Variants in VPS13B observed in about 807,000 individuals in gnomAD.
VPS13B encodes the protein vacuolar protein sorting 13 homolog B.
Under a neutral mutation model 426.4 loss-of-function variants are expected in VPS13B, and 285 were observed. The observed-to-expected ratio is 0.67, with a 90% CI of 0.61 to 0.74. VPS13B has a LOEUF of 0.74. Ranked by LOEUF, VPS13B falls within the 30% of genes least tolerant of loss-of-function variation. The probability of loss-of-function intolerance (pLI) is 0.00; values close to 1 mark genes in which losing one functional copy is unlikely to be tolerated. For missense variants in VPS13B, 4,537 were observed against 4,782.6 expected, an observed-to-expected ratio of 0.95 and a Z score of 1.51; for synonymous variants, 1,676 against 1,676.4, an observed-to-expected ratio of 1.00 and a Z score of 0.01.
intron 35 of VPS13B, among the ~76,000 whole-genome samples, chr8:99,681,939 T>C (rs1309421962): frequency 6.6e-6 from 1 of 152,092 alleles, no homozygotes; most frequent in Admixed American, 6.6e-5. Flanking sequence ...TGAGAAAGGG[T>C]CGTCCAGAAA....
chr8:99,642,263 C>G lies in VPS13B; in HGVS notation c.5673C>G (p.Leu1891=). The change falls in exon 34 of 62, where the codon CTC becomes CTG. Residue 1891 remains leucine (L), a synonymous_variant. Coordinates refer to ENST00000357162, the MANE Select transcript of VPS13B (RefSeq NM_152564.5). ...SFPSGKKIGV[L]SLESLHASTR... ...CTTCAGGGAAAAAAATAGGGGTCCT[C>G]TCTCTTGAAAGTCTTCATGCATCCA... 1 of 1,614,166 alleles carries G rather than the reference C, an allele frequency of 6.2e-7. No homozygotes were observed.
chr8:99,833,664 T>G (rs1409255911), intron 52 of VPS13B, among the ~76,000 whole-genome samples: 1 of 152,166 alleles, frequency 6.6e-6, no homozygotes, highest in East Asian at 1.9e-4. Context: ...TTTAAGGGTG[T>G]TTTTTGAAAG....
intron 33 of VPS13B, among the ~76,000 whole-genome samples, chr8:99,596,642 C>A (rs1383912847): frequency 6.6e-6 from 1 of 152,026 alleles, no homozygotes; most frequent in Non-Finnish European, 1.5e-5. Context: ...CCCCTCCCTA[C>A]AAGGACAAAC....
At chr8:99,690,450 C>G (rs1831607213) in intron 35 of VPS13B, among the ~76,000 whole-genome samples, 1 of 152,130 alleles carries the variant, frequency 6.6e-6, no homozygotes, top group Non-Finnish European at 1.5e-5. Context: ...ACATATTGGA[C>G]TTTGCAAAAA....
rs201147123 is a variant in VPS13B, at chr8:99,096,378, A to G, written c.358A>G (p.Ile120Val). The stretch of plus-strand genomic sequence containing the variant: ...TACTGCTGAGAGCACAAAATCATCA[A>G]TCAAACCGCGGAGAATGCAGCAGGC... ...RSTAESTKSS[I>V]KPRRMQQAAP... Residue 120 changes from isoleucine (I) to valine (V), a missense_variant, in exon 4 of 62, where the codon ATC (isoleucine) becomes GTC (valine). Ile to Val is a conservative substitution (Grantham distance 29). This residue lies in a region of VPS13B where 226 missense variants were observed against 308.3 expected (regional missense o/e 0.73). Transcript: ENST00000357162. 939 of 1,614,174 alleles carry G rather than the reference A, an allele frequency of 5.8e-4. 14 individuals are homozygous for G. In the South Asian group the frequency reaches 7.3e-3, roughly 13 times the overall value.
At chr8:99,851,975 A>G (rs761633036) in intron 55 of VPS13B, among the ~76,000 whole-genome samples, 5 of 152,172 alleles carry the variant, frequency 3.3e-5, no homozygotes, top group Non-Finnish European at 5.9e-5. Flanking sequence ...TGCTCACATT[A>G]GAGACACTGA....
At chr8:99,855,377 G>T (rs1157780861) in intron 56 of VPS13B, among the ~76,000 whole-genome samples, 1 of 152,082 alleles carries the variant, frequency 6.6e-6, no homozygotes, top group Non-Finnish European at 1.5e-5. Flanking sequence ...GCAAGACCTT[G>T]TCCCAAAAAA....
intron 23 of VPS13B, among the ~76,000 whole-genome samples, chr8:99,465,847 A>T (rs1407685031): frequency 1.3e-5 from 2 of 151,974 alleles, no homozygotes; most frequent in Non-Finnish European, 2.9e-5. Flanking sequence ...TTATGCAGTT[A>T]TCATTGTTTC....
chr8:99,094,231 A>G (rs938712406), intron 3 of VPS13B, among the ~76,000 whole-genome samples: 2 of 152,306 alleles, frequency 1.3e-5, no homozygotes, highest in African/African-American at 4.8e-5. Flanking sequence ...TTTTTAATGA[A>G]CATGTTTTAC....
chr8:99,255,649 G>A (rs1022461276), intron 17 of VPS13B, among the ~76,000 whole-genome samples: 8 of 152,068 alleles, frequency 5.3e-5, no homozygotes, highest in Non-Finnish European at 1.0e-4. Context: ...CTTCTGGCCC[G>A]GGGTCAAAAT....
intron 21 of VPS13B, among the ~76,000 whole-genome samples, chr8:99,421,240 T>C (rs16897352): frequency 0.025 from 3,743 of 152,278 alleles, 151 homozygotes; most frequent in African/African-American, 0.085. Context: ...TGATATGTTA[T>C]TTTAACCACT....
chr8:99,454,065 A>C (rs1588395783), intron 23 of VPS13B, among the ~76,000 whole-genome samples: 1 of 152,188 alleles, frequency 6.6e-6, no homozygotes, highest in Non-Finnish European at 1.5e-5. Flanking sequence ...CCCTGTCTCC[A>C]TAGCTTTGCC....
chr8:99,431,378 A>G, intron 21 of VPS13B, 159 bp from the exon 22 acceptor site: 2 of 987,972 alleles, frequency 2.0e-6, no homozygotes, highest in South Asian at 1.7e-5. Flanking sequence ...TGCAAAAATC[A>G]GTTCTATAAG....
intron 30 of VPS13B, among the ~76,000 whole-genome samples, chr8:99,552,754 C>A (rs1824349431): frequency 6.6e-6 from 1 of 152,040 alleles, no homozygotes; most frequent in Non-Finnish European, 1.5e-5. Context: ...GCACTTTACC[C>A]AGTTTCCCTC....
intron 39 of VPS13B, among the ~76,000 whole-genome samples, chr8:99,736,164 G>A (rs892917334): frequency 2.6e-5 from 4 of 152,302 alleles, no homozygotes; most frequent in Middle Eastern, 3.4e-3. Flanking sequence ...AGAAAGTTAC[G>A]AATTTAGTTT....
chr8:99,809,013 A>G (rs1813559970), intron 43 of VPS13B, among the ~76,000 whole-genome samples: 1 of 152,096 alleles, frequency 6.6e-6, no homozygotes, highest in Admixed American at 6.5e-5. Context: ...TCTAGCCATA[A>G]GAAGGAAAAA....
intron 21 of VPS13B, among the ~76,000 whole-genome samples, chr8:99,398,588 T>G (rs1814865876): frequency 1.3e-5 from 2 of 152,092 alleles, no homozygotes; most frequent in African/African-American, 4.8e-5. Context: ...AATAGAGATG[T>G]AAAGAGACAA....
At chr8:99,391,482 C>A in intron 20 of VPS13B, 75 bp from the exon 21 acceptor site, 1 of 1,608,720 alleles carries the variant, frequency 6.2e-7, no homozygotes, top group South Asian at 1.1e-5. Context: ...TCAGTATTGC[C>A]ATGTTTAACC....
chr8:99,385,199 A>G (rs1159400117), intron 20 of VPS13B, among the ~76,000 whole-genome samples: 3 of 152,220 alleles, frequency 2.0e-5, no homozygotes, highest in Non-Finnish European at 4.4e-5. Context: ...TTTAAAGATG[A>G]AGAAACTGAT....
Sources: allele counts gnomAD v4.1 joint callset (sites outside exome capture counted in the v4.1 genomes callset), GRCh38; gene constraint gnomAD v4.1.1; regional missense constraint gnomAD v4.1.1; transcripts MANE v1.5; gene names NCBI Gene and HGNC (gene_info 2026-07-23, HGNC 2026-07-21).